DOCK3: variants seen among roughly 807,000 people sequenced by gnomAD.
DOCK3 encodes the protein dedicator of cytokinesis protein 3.
Under a neutral mutation model 265.6 loss-of-function variants are expected in DOCK3, and 60 were observed. The ratio of observed to expected loss-of-function variants is 0.23; its 90% confidence interval spans 0.18 to 0.28. The LOEUF (loss-of-function observed/expected upper bound fraction) is 0.28. Among genes scored for constraint, DOCK3 ranks in the 10% least tolerant of loss-of-function variants. DOCK3 has a pLI of 1.00. For synonymous variants in DOCK3, 881 were observed against 938.0 expected (o/e 0.94, Z 1.11); for missense variants, 1,981 against 2,594.3 (o/e 0.76, Z 5.14).
At chr3:51,189,392 A>AT (rs2087805052) in intron 12 of DOCK3, among the ~76,000 whole-genome samples, 1 of 151,944 alleles carries the variant, frequency 6.6e-6, no homozygotes, top group Admixed American at 6.6e-5. Context: ...CAATGTGTAG[A>AT]TTTTTTATTC....
chr3:51,075,618 G>T (rs2082031561), intron 7 of DOCK3, among the ~76,000 whole-genome samples, 178 bp downstream of exon 7: 1 of 152,072 alleles, frequency 6.6e-6, no homozygotes, highest in South Asian at 2.1e-4. Context: ...GGATTCCATT[G>T]TAGTAAACTA....
At chr3:50,950,019 T>G (rs1366037532) in intron 5 of DOCK3, among the ~76,000 whole-genome samples, 1 of 152,040 alleles carries the variant, frequency 6.6e-6, no homozygotes, top group Non-Finnish European at 1.5e-5. Flanking sequence ...TCTTTTTTTT[T>G]TTTTAGTCAT....
At chr3:50,812,746 C>T (rs1331063491) in intron 2 of DOCK3, among the ~76,000 whole-genome samples, 1 of 152,220 alleles carries the variant, frequency 6.6e-6, no homozygotes, top group Admixed American at 6.5e-5. Context: ...CAGTGTTAAT[C>T]TCATCCAGAA....
chr3:51,036,336 A>G (rs1489064340), intron 5 of DOCK3, among the ~76,000 whole-genome samples: 5 of 152,200 alleles, frequency 3.3e-5, no homozygotes, highest in African/African-American at 4.8e-5. Context: ...GAACCCTGGT[A>G]TCTGGTACCC....
At chr3:51,013,344 C>T (rs1040757638) in intron 5 of DOCK3, among the ~76,000 whole-genome samples, 13 of 152,102 alleles carry the variant, frequency 8.5e-5, no homozygotes, top group Middle Eastern at 3.2e-3. Flanking sequence ...GTGCGGATGT[C>T]CTTTTTGTTG....
chr3:51,341,354 G>A lies in DOCK3; in HGVS notation c.3884G>A (p.Arg1295Gln), dbSNP rs762901229. The A allele has an allele frequency of 3.5e-5, 57 of 1,613,680 alleles. No individual in the cohort carries two copies. The highest frequency in any genetic ancestry group is 2.9e-4 in the East Asian group (13 of 44,854). Residue 1295 changes from arginine (R) to glutamine (Q), a missense_variant, in exon 38 of 53, where the codon CGG becomes CAG. Physicochemically the swap from Arg to Gln is conservative, Grantham distance 43. This residue lies in a region of DOCK3 where 1,357 missense variants were observed against 1,866.8 expected (regional missense o/e 0.73). Transcript: ENST00000266037. ...TEWQRKEGLC[R>Q]KIIHYFNKGK... ...TGGCAGCGGAAGGAGGGACTGTGCCGGAAGATCATTCACTACTTCAACAAA... is the reference window on the plus strand; with the variant it reads ...TGGCAGCGGAAGGAGGGACTGTGCCAGAAGATCATTCACTACTTCAACAAA...
At position 51,295,052 on chromosome 3, in the gene DOCK3, C is replaced by T. The variant is rs545923406; in HGVS notation, c.2922+14848C>T. Among the ~76,000 whole-genome samples, 361 of 152,120 alleles carry T rather than the reference C, an allele frequency of 2.4e-3. 5 individuals carry two copies. The highest frequency in any genetic ancestry group is 0.015 in the South Asian group (73 of 4,808). On this transcript the variant is annotated intron_variant, in intron 27 of 52. Transcript: ENST00000266037. ...CAATTAAAATAAAAATTTTTTAAAT[C>T]GGTGTAATACACCCTTAAATGGTAT... is the stretch of plus-strand genomic sequence containing the variant.
chr3:51,325,571 C>G (rs1020821389), intron 32 of DOCK3, among the ~76,000 whole-genome samples: 1 of 152,114 alleles, frequency 6.6e-6, no homozygotes, highest in African/African-American at 2.4e-5. Context: ...GCTATATACC[C>G]AAAGGATTAT....
At chr3:51,267,707 C>T (rs1369565798) in intron 23 of DOCK3, among the ~76,000 whole-genome samples, 1 of 152,134 alleles carries the variant, frequency 6.6e-6, no homozygotes, top group African/African-American at 2.4e-5. Context: ...TTTATTGCAG[C>T]ACTGTTGACA....
intron 5 of DOCK3, among the ~76,000 whole-genome samples, chr3:51,033,822 T>C (rs1169661161): frequency 6.6e-6 from 1 of 152,194 alleles, no homozygotes. Flanking sequence ...TCATCCCTTC[T>C]TAAAACAAGT....
intron 5 of DOCK3, among the ~76,000 whole-genome samples, chr3:50,982,956 C>T (rs1050566936): frequency 6.6e-6 from 1 of 152,166 alleles, no homozygotes; most frequent in Non-Finnish European, 1.5e-5. Context: ...CTGGGAAGAC[C>T]GCTCATTCCC....
chr3:51,127,964 G>A (rs530013203), intron 9 of DOCK3, among the ~76,000 whole-genome samples: 134 of 152,294 alleles, frequency 8.8e-4, no homozygotes, highest in African/African-American at 3.1e-3. Context: ...TTGTGGAGCA[G>A]TAGACTGATT....
At chr3:51,022,236 G>A (rs1352010775) in intron 5 of DOCK3, among the ~76,000 whole-genome samples, 1 of 152,122 alleles carries the variant, frequency 6.6e-6, no homozygotes, top group Non-Finnish European at 1.5e-5. Context: ...TTTATTAAAT[G>A]TAATGATTTA....
intron 1 of DOCK3, chr3:50,719,759 A>G (rs2037358239): frequency 1.9e-6 from 2 of 1,075,560 alleles, no homozygotes; most frequent in Admixed American, 1.7e-5. Flanking sequence ...ACTTGCCACC[A>G]GTGCCATTAT....
chr3:51,059,488 CACA>C, intron 5 of DOCK3, among the ~76,000 whole-genome samples: 2 of 150,376 alleles, frequency 1.3e-5, no homozygotes, highest in Admixed American at 1.3e-4. Context: ...CACACACACA[CACA>C]CACCCCACAT....
At chr3:50,768,307 A>G (rs2041041940) in intron 1 of DOCK3, among the ~76,000 whole-genome samples, 1 of 152,216 alleles carries the variant, frequency 6.6e-6, no homozygotes, top group Non-Finnish European at 1.5e-5. Context: ...TACCTAATCT[A>G]TTGAGAGTTT....
At chr3:51,367,605 G>C (rs996230181) in intron 49 of DOCK3, among the ~76,000 whole-genome samples, 1 of 152,196 alleles carries the variant, frequency 6.6e-6, no homozygotes, top group African/African-American at 2.4e-5. Context: ...TTACAATTTG[G>C]CATGTTTTTG....
At chr3:50,963,100 G>T (rs1433846473) in intron 5 of DOCK3, among the ~76,000 whole-genome samples, 1 of 152,164 alleles carries the variant, frequency 6.6e-6, no homozygotes, top group Non-Finnish European at 1.5e-5. Context: ...CATGAAAATT[G>T]CTTGAACCCA....
intron 2 of DOCK3, among the ~76,000 whole-genome samples, chr3:50,793,401 C>G (rs1216319854): frequency 6.7e-6 from 1 of 148,618 alleles, no homozygotes; most frequent in African/African-American, 2.5e-5. Flanking sequence ...TCTTGTTGCC[C>G]AGGCTGGAGT....
Sources: allele counts gnomAD v4.1 joint callset (sites outside exome capture counted in the v4.1 genomes callset), GRCh38; gene constraint gnomAD v4.1.1; regional missense constraint gnomAD v4.1.1; transcripts MANE v1.5; gene names NCBI Gene and HGNC (gene_info 2026-07-23, HGNC 2026-07-21).